ACACB: variants seen among roughly 807,000 people sequenced by gnomAD.
ACACB encodes the protein acetyl-CoA carboxylase beta.
Under a neutral mutation model 278.8 loss-of-function variants are expected in ACACB, and 209 were observed. That is an observed-to-expected ratio of 0.75 (90% confidence interval 0.67 to 0.84). The LOEUF (loss-of-function observed/expected upper bound fraction) is 0.84, where lower values mean the gene tolerates loss of function less well. Among genes scored for constraint, ACACB ranks in the 40% least tolerant of loss-of-function variants. The pLI is 0.00. For missense variants in ACACB, 2,850 were observed against 3,269.0 expected, an observed-to-expected ratio of 0.87 and a Z score of 3.13; for synonymous variants, 1,174 against 1,285.6, an observed-to-expected ratio of 0.91 and a Z score of 1.86.
chr12:109,148,098 C>T (rs1565863269), intron 2 of ACACB, among the ~76,000 whole-genome samples: 2 of 152,210 alleles, frequency 1.3e-5, no homozygotes, highest in Non-Finnish European at 2.9e-5. Flanking sequence ...AAGCTCTCTC[C>T]TCCCATCTCC....
chr12:109,258,000 C>T (rs1198439219), intron 45 of ACACB, among the ~76,000 whole-genome samples: 1 of 152,214 alleles, frequency 6.6e-6, no homozygotes, highest in African/African-American at 2.4e-5. Flanking sequence ...TGGCCCTCGT[C>T]ACAGAAAGTT....
intron 1 of ACACB, among the ~76,000 whole-genome samples, chr12:109,122,345 T>C (rs2042568379): frequency 6.6e-6 from 1 of 152,164 alleles, no homozygotes; most frequent in Non-Finnish European, 1.5e-5. Flanking sequence ...GTATGGTGGT[T>C]CATGCCTGTA....
At chr12:109,199,713 T>G (rs1412358478) in intron 18 of ACACB, among the ~76,000 whole-genome samples, 161 bp downstream of exon 18, 1 of 152,160 alleles carries the variant, frequency 6.6e-6, no homozygotes, top group Non-Finnish European at 1.5e-5. Flanking sequence ...CCCTGAAGTA[T>G]TCAAAGAAAA....
At chr12:109,207,975 C>T (rs934820402) in intron 20 of ACACB, among the ~76,000 whole-genome samples, 3 of 152,108 alleles carry the variant, frequency 2.0e-5, no homozygotes, top group African/African-American at 2.4e-5. Context: ...CCACCGTGCC[C>T]GCTGTGTCAC....
At chr12:109,196,121 A>C (rs2136306392) in intron 16 of ACACB, among the ~76,000 whole-genome samples, 2 of 152,206 alleles carry the variant, frequency 1.3e-5, no homozygotes, top group South Asian at 4.1e-4. Flanking sequence ...GTTTTCTGAG[A>C]GAAAACTGAA....
At chr12:109,136,987 T>C (rs546206759) in intron 1 of ACACB, among the ~76,000 whole-genome samples, 35 of 152,254 alleles carry the variant, frequency 2.3e-4, no homozygotes, top group Non-Finnish European at 4.8e-4. Flanking sequence ...TTTTCATAAA[T>C]GTACTTTATT....
rs1344370319 is a variant in ACACB at position 109,166,664 on chromosome 12, AAAAAAAAAAAAAAC to A, written c.654-196_654-183del. The stretch of plus-strand genomic sequence containing the variant: ...GATCCCGTCTCAAAAAAAAAAAAAA[AAAAAAAAAAAAAAC>A]CGAAGGTGCTTCCTGCCCTTGAGCC... On this transcript the variant is annotated intron_variant, in intron 2 of 52. Transcript: ENST00000338432. Among the ~76,000 whole-genome samples, 66 of 143,984 alleles carry A rather than the reference AAAAAAAAAAAAAAC, an allele frequency of 4.6e-4. 3 individuals carry two copies. Among genetic ancestry groups the A allele is most frequent in the Non-Finnish European group, 7.9e-4 (52 of 65,740 alleles). The allele number at this position is 143,984 out of a possible 152,430, so 94.5% of individuals were successfully genotyped here. A position where few individuals can be genotyped will look rare whatever the true frequency, so the allele number is the denominator to read the frequency against.
chr12:109,147,497 G>A lies in ACACB; in HGVS notation c.653+7439G>A, dbSNP rs572397201. On this transcript the variant is annotated intron_variant, in intron 2 of 52. Coordinates refer to ENST00000338432, the MANE Select transcript of ACACB (RefSeq NM_001093.4). ...TGAGTTCAAGCAATCCACCCACCTC[G>A]GCCTCCCAAAGTGCTGGGATTACAG... Among the ~76,000 whole-genome samples, 8 of 150,506 alleles carry A rather than the reference G, an allele frequency of 5.3e-5. No individual in the cohort carries two copies. In the East Asian group the frequency reaches 1.2e-3, roughly 22 times the overall value.
In ACACB at chr12:109,245,735, C is replaced by CTGG; in HGVS notation, c.5292_5294dup (p.Gly1765dup). ...CAGCTGGTGGAGATGAACCGACTTC[C>CTGG]TGGTGGAAATGAGGTAATAGCTCAG... On this transcript the variant is annotated inframe_insertion, in exon 38 of 53. Transcript: ENST00000338432. 2.5e-6 allele frequency: 4 copies of CTGG among 1,614,088 alleles called. No homozygotes were observed. Among genetic ancestry groups the CTGG allele is most frequent in the Non-Finnish European group, 3.4e-6 (4 of 1,179,976 alleles).
At position 109,253,015 on chromosome 12, in the gene ACACB, G is replaced by A. The variant is rs2047136561; in HGVS notation, c.5902G>A (p.Val1968Ile). The change falls in exon 43 of 53, where the codon GTC (valine) becomes ATC (isoleucine). Residue 1968 changes from valine (V) to isoleucine (I), a missense_variant and splice_region_variant. Val to Ile is a conservative substitution (Grantham distance 29). Around this residue, in one of 3 missense-constraint regions of ACACB, gnomAD observed 579 missense variants for 684.6 expected, o/e 0.85. Transcript: ENST00000338432. ...ILTGASALNK[V>I]LGREVYTSNN... ...TGCTAACCATGTTGTGTCAAAGCAG[G>A]TCCTGGGAAGAGAGGTCTACACATC... is the stretch of plus-strand genomic sequence containing the variant. The A allele has an allele frequency of 6.2e-7, 1 of 1,603,636 alleles. No homozygotes were observed. The highest frequency in any genetic ancestry group is 8.5e-7 in the Non-Finnish European group (1 of 1,174,558).
At chr12:109,172,780 TA>T (rs2044160372) in intron 6 of ACACB, among the ~76,000 whole-genome samples, 1 of 152,258 alleles carries the variant, frequency 6.6e-6, no homozygotes, top group East Asian at 1.9e-4. Context: ...GAGCCAAAAA[TA>T]GAACTACCGT....
At chr12:109,145,170 T>C (rs3753166) in intron 2 of ACACB, among the ~76,000 whole-genome samples, 79,566 of 148,592 alleles carry the variant, frequency 0.54, 22,990 homozygotes, top group Middle Eastern at 0.71. Context: ...CTATTGTTTT[T>C]TGGAAAACTG....
intron 50 of ACACB, 25 bp downstream of exon 50, chr12:109,264,411 G>A (rs1204118847): frequency 1.2e-6 from 2 of 1,612,622 alleles, no homozygotes; most frequent in East Asian, 2.2e-5. Flanking sequence ...TGCCGTGTAG[G>A]GTGCAAAGAG....
intron 2 of ACACB, among the ~76,000 whole-genome samples, chr12:109,151,566 C>T (rs891971501): frequency 2.6e-5 from 4 of 152,130 alleles, no homozygotes; most frequent in South Asian, 2.1e-4. Context: ...AGTGGAGAGA[C>T]GGGATTTACT....
chr12:109,181,647 A>C (rs1189672235), intron 11 of ACACB, among the ~76,000 whole-genome samples: 2 of 151,848 alleles, frequency 1.3e-5, no homozygotes, highest in Non-Finnish European at 2.9e-5. Flanking sequence ...CGATATACTG[A>C]TTTCCTTTCT....
intron 39 of ACACB, among the ~76,000 whole-genome samples, chr12:109,246,837 G>GT (rs1358430862): frequency 6.6e-6 from 1 of 152,178 alleles, no homozygotes; most frequent in Non-Finnish European, 1.5e-5. Context: ...GGAGGCTTGG[G>GT]TGGGAGGATA....
At position 109,237,297 on chromosome 12, in the gene ACACB, G is replaced by T; in HGVS notation, c.4579G>T (p.Ala1527Ser). The T allele has an allele frequency of 1.2e-6, 2 of 1,614,210 alleles. No individual in the cohort carries two copies. The highest frequency in any genetic ancestry group is 1.3e-5 in the African/African-American group (1 of 75,056). Residue 1527 changes from alanine (A) to serine (S), a missense_variant, in exon 34 of 53, where the codon GCC (alanine) becomes TCC (serine). Ala to Ser is a moderately conservative substitution (Grantham distance 99). Around this residue, in one of 3 missense-constraint regions of ACACB, gnomAD observed 2,265 missense variants for 2,561.3 expected, o/e 0.88. Transcript: ENST00000338432. ...CAAGATGCACCTTTACCTGGGTGCT[G>T]CCAAGGTGAAGGAAGGTGTGGAAGT... is the stretch of plus-strand genomic sequence containing the variant. ...NHKMHLYLGAAKVKEGVEVTD... is the reference protein window; with the variant it reads ...NHKMHLYLGASKVKEGVEVTD...
chr12:109,252,190 T>C, intron 42 of ACACB, 34 bp downstream of exon 42: 1 of 1,475,596 alleles, frequency 6.8e-7, no homozygotes. Flanking sequence ...GAGTGGATCC[T>C]TGGGGGCCAG....
chr12:109,130,574 C>T (rs900610430), intron 1 of ACACB, among the ~76,000 whole-genome samples: 4 of 152,130 alleles, frequency 2.6e-5, no homozygotes, highest in African/African-American at 9.7e-5. Flanking sequence ...ACACTGGACT[C>T]GATGATCCCT....
Sources: allele counts gnomAD v4.1 joint callset (sites outside exome capture counted in the v4.1 genomes callset), GRCh38; gene constraint gnomAD v4.1.1; regional missense constraint gnomAD v4.1.1; transcripts MANE v1.5; gene names NCBI Gene and HGNC (gene_info 2026-07-23, HGNC 2026-07-21).